LARGE1: variants seen among roughly 807,000 people sequenced by gnomAD.
LARGE1 encodes the protein LARGE xylosyl- and glucuronyltransferase 1.
LARGE1 carries 43 observed loss-of-function variants against 87.6 expected under a neutral mutation model. The observed-to-expected ratio is 0.49, with a 90% CI of 0.38 to 0.63. The LOEUF (loss-of-function observed/expected upper bound fraction) is 0.63. Ranked by LOEUF, LARGE1 falls within the 30% of genes least tolerant of loss-of-function variation. The probability of loss-of-function intolerance (pLI) is 0.00; values close to 1 mark genes in which losing one functional copy is unlikely to be tolerated. For synonymous variants in LARGE1, 434 were observed against 394.6 expected (o/e 1.10, Z -1.18); for missense variants, 802 against 1,000.2 (o/e 0.80, Z 2.67).
chr22:33,513,948 T>A (rs567185286), intron 6 of LARGE1, among the ~76,000 whole-genome samples: 50 of 152,164 alleles, frequency 3.3e-4, no homozygotes, highest in Non-Finnish European at 7.3e-5. Context: ...CTTTTCTATG[T>A]TGAGATACAC....
chr22:33,491,962 G>A (rs2069863369), intron 6 of LARGE1, among the ~76,000 whole-genome samples: 1 of 152,164 alleles, frequency 6.6e-6, no homozygotes, highest in South Asian at 2.1e-4. Flanking sequence ...TGGCCTTATG[G>A]CTCCACAAAT....
chr22:33,370,238 A>T (rs1163415675), intron 9 of LARGE1, among the ~76,000 whole-genome samples: 2 of 152,324 alleles, frequency 1.3e-5, no homozygotes, highest in Admixed American at 1.3e-4. Flanking sequence ...CGTTAAAAAA[A>T]AATAGCTGGA....
At chr22:33,852,523 A>T (rs1054907973) in intron 1 of LARGE1, among the ~76,000 whole-genome samples, 24 of 152,016 alleles carry the variant, frequency 1.6e-4, no homozygotes, top group Non-Finnish European at 3.4e-4. Context: ...CAACAAATTT[A>T]AAAAAACATA....
chr22:33,253,216 G>A (rs1381025697), intron 11 of LARGE1, among the ~76,000 whole-genome samples: 1 of 152,146 alleles, frequency 6.6e-6, no homozygotes, highest in Admixed American at 6.5e-5. Context: ...GGGTTGTTGT[G>A]ACAATTAAAT....
At chr22:33,390,319 A>G (rs944478944) in intron 7 of LARGE1, among the ~76,000 whole-genome samples, 2 of 152,186 alleles carry the variant, frequency 1.3e-5, no homozygotes, top group African/African-American at 4.8e-5. Context: ...ATTCTTAGAA[A>G]GGGGGGCTGG....
At chr22:33,330,813 C>T (rs1937614134) in intron 10 of LARGE1, among the ~76,000 whole-genome samples, 1 of 152,182 alleles carries the variant, frequency 6.6e-6, no homozygotes, top group South Asian at 2.1e-4. Context: ...CATCTTGGCT[C>T]CTTGATGAAG....
chr22:33,783,706 C>T (rs2085506688), intron 1 of LARGE1, among the ~76,000 whole-genome samples: 1 of 152,162 alleles, frequency 6.6e-6, no homozygotes, highest in Non-Finnish European at 1.5e-5. Context: ...TTGTGGCCTA[C>T]TACATATGAG....
chr22:33,072,785 T>C, the LARGE1 span, among the ~76,000 whole-genome samples: 3 of 152,254 alleles, frequency 2.0e-5, no homozygotes, highest in East Asian at 1.9e-4. Context: ...CCAAACTCAG[T>C]GTCACCCACC....
the LARGE1 span, among the ~76,000 whole-genome samples, chr22:33,133,903 T>C: frequency 6.6e-6 from 1 of 152,202 alleles, no homozygotes; most frequent in African/African-American, 2.4e-5. Context: ...AGATGACTTC[T>C]CACTTTAAGC....
intron 2 of LARGE1, among the ~76,000 whole-genome samples, chr22:33,683,800 A>G (rs2081857418): frequency 7.9e-5 from 12 of 152,230 alleles, no homozygotes; most frequent in Admixed American, 6.5e-4. Context: ...TCTTCCCAGT[A>G]AGTTGACTAT....
chr22:33,688,525 A>G (rs1016561840), intron 2 of LARGE1, among the ~76,000 whole-genome samples: 8 of 151,822 alleles, frequency 5.3e-5, no homozygotes, highest in Non-Finnish European at 1.2e-4. Flanking sequence ...CTAATTTTGT[A>G]TTTTTAGTAG....
chr22:33,079,888 T>A, the LARGE1 span, among the ~76,000 whole-genome samples: 1 of 152,120 alleles, frequency 6.6e-6, no homozygotes, highest in Admixed American at 6.5e-5. Flanking sequence ...TGATCATGGC[T>A]CTTTTCTCCG....
chr22:33,785,085 A>G (rs13056846), intron 1 of LARGE1, among the ~76,000 whole-genome samples: 3 of 80,746 alleles, frequency 3.7e-5, no homozygotes, highest in African/African-American at 9.5e-5. Context: ...ATACATACAT[A>G]TGTGTATATA....
chr22:33,248,874 CA>C (rs1456536694), intron 11 of LARGE1, among the ~76,000 whole-genome samples: 9 of 152,214 alleles, frequency 5.9e-5, no homozygotes, highest in Non-Finnish European at 1.0e-4. Context: ...CGTGCCTTTT[CA>C]TGGCTTAATA....
chr22:33,660,085 T>C (rs1249211909), intron 2 of LARGE1, among the ~76,000 whole-genome samples: 1 of 114,584 alleles, frequency 8.7e-6, no homozygotes, highest in Non-Finnish European at 1.7e-5. Context: ...TGTGTGTGTG[T>C]GTGTGTTTTT....
intron 11 of LARGE1, among the ~76,000 whole-genome samples, chr22:33,168,972 G>C (rs1443203391): frequency 6.6e-6 from 1 of 152,144 alleles, no homozygotes; most frequent in Non-Finnish European, 1.5e-5. Context: ...CTGTAAACCA[G>C]CACTTGGCCT....
At chr22:33,066,814 G>A in the LARGE1 span, among the ~76,000 whole-genome samples, 1 of 152,146 alleles carries the variant, frequency 6.6e-6, no homozygotes, top group African/African-American at 2.4e-5. Context: ...TGTGTGTTGC[G>A]GGGAGGCAGT....
intron 5 of LARGE1, among the ~76,000 whole-genome samples, 183 bp from the exon 6 acceptor site, chr22:33,565,202 T>C (rs1039514140): frequency 8.9e-4 from 136 of 152,368 alleles, no homozygotes; most frequent in African/African-American, 3.1e-3. Flanking sequence ...TGTGAAGTTT[T>C]CTGGAGGAAA....
chr22:33,306,073 T>C (rs1315204405), intron 11 of LARGE1, among the ~76,000 whole-genome samples: 1 of 152,142 alleles, frequency 6.6e-6, no homozygotes, highest in Non-Finnish European at 1.5e-5. Context: ...CTCGATCTCC[T>C]GACCTCGTGA....
Sources: gnomAD v4.1 joint callset for allele counts (sites outside exome capture counted in the v4.1 genomes callset) on GRCh38, gnomAD v4.1.1 for gene constraint, MANE v1.5 for transcripts, NCBI Gene and HGNC (gene_info 2026-07-23, HGNC 2026-07-21) for gene names.